HSPH1: variants seen among roughly 807,000 people sequenced by gnomAD.
HSPH1 encodes heat shock protein family H (Hsp110) member 1.
HSPH1 carries 40 observed loss-of-function variants against 100.0 expected under a neutral mutation model. The observed-to-expected ratio is 0.40, with a 90% confidence interval of 0.31 to 0.52. HSPH1 has a LOEUF of 0.52. Ranked by LOEUF, HSPH1 falls within the 20% of genes least tolerant of loss-of-function variation. The probability of loss-of-function intolerance (pLI) is 0.54; values close to 1 mark genes in which losing one functional copy is unlikely to be tolerated. For missense variants in HSPH1, 876 were observed against 1,015.1 expected, an observed-to-expected ratio of 0.86 and a Z score of 1.86; for synonymous variants, 403 against 344.0, an observed-to-expected ratio of 1.17 and a Z score of -1.90.
Position 31,140,383 on chromosome 13 carries a change from G to A in HSPH1, c.1855-74C>T. On this transcript the variant is annotated intron_variant, in intron 13 of 17. Transcript: ENST00000320027. ...CTAAATTCTAAATATGTAGACTCTGGGGTTTAAAAAAAATGATACAAAACA... is the reference window on the plus strand; with the variant it reads ...CTAAATTCTAAATATGTAGACTCTGAGGTTTAAAAAAAATGATACAAAACA... 3.5e-6 allele frequency: 5 copies of A among 1,412,436 alleles called. 1 individual carries two copies. In the South Asian group the frequency reaches 4.1e-5, roughly 12 times the overall value. The allele number at this position is 1,412,436 out of a possible 1,614,324, so 87.5% of individuals were successfully genotyped here.
intron 1 of HSPH1, among the ~76,000 whole-genome samples, chr13:31,159,469 G>A (rs1956818188): frequency 6.6e-6 from 1 of 152,210 alleles, no homozygotes; most frequent in Non-Finnish European, 1.5e-5. Flanking sequence ...GGAAAGGAGT[G>A]ACTAATCAGT....
Position 31,135,504 on chromosome 13 carries a change from T to C in HSPH1, c.*1814A>G, listed in dbSNP as rs1459103968. 1 of 152,222 alleles carries C rather than the reference T, an allele frequency of 6.6e-6. No individual in the cohort carries two copies. The highest frequency in any genetic ancestry group is 1.5e-5 in the Non-Finnish European group (1 of 68,040). The allele number at this position is 152,222 out of a possible 1,614,324, so 9.4% of individuals were successfully genotyped here. ...AATTATAAAGTAGGGAAATGTTGAA[T>C]AGCTGACATAAAGATTCTTAGTAAG... On this transcript the variant is annotated 3_prime_UTR_variant, in exon 18 of 18. Transcript: ENST00000320027.
chr13:31,161,270 T>C (rs1000996976), intron 1 of HSPH1, among the ~76,000 whole-genome samples: 3 of 152,162 alleles, frequency 2.0e-5, no homozygotes, highest in Non-Finnish European at 1.5e-5. Flanking sequence ...CGTGAATCCC[T>C]GAGACAATCC....
At chr13:31,146,608 A>G (rs188744412) in intron 10 of HSPH1, among the ~76,000 whole-genome samples, 1 of 152,226 alleles carries the variant, frequency 6.6e-6, no homozygotes, top group South Asian at 2.1e-4. Context: ...AATCTGTATG[A>G]AAGCCTGAAA....
At position 31,152,747 on chromosome 13, in the gene HSPH1, A is replaced by C; in HGVS notation, c.529+105T>G. ...GACTTTTGTTTTCAAATCTGACTTG[A>C]CTTTTTAACAGGCTGTGTTTCTGTA... On this transcript the variant is annotated intron_variant, in intron 5 of 17. Coordinates refer to ENST00000320027, the MANE Select transcript of HSPH1 (RefSeq NM_006644.4). 5 of 754,116 alleles carry C rather than the reference A, an allele frequency of 6.6e-6. No homozygotes were observed. The South Asian group carries it at 8.3e-5, about 13-fold the overall frequency. 46.7% of individuals were successfully genotyped at this position (754,116 alleles called of 1,614,324 possible). A position where few individuals can be genotyped will look rare whatever the true frequency, so the allele number is the denominator to read the frequency against.
At chr13:31,146,055 A>G (rs1174149267) in intron 10 of HSPH1, among the ~76,000 whole-genome samples, 1 of 152,198 alleles carries the variant, frequency 6.6e-6, no homozygotes, top group Non-Finnish European at 1.5e-5. Flanking sequence ...GGACTCCTTG[A>G]GCCCAAGAGT....
In HSPH1 at chr13:31,141,244, CT is replaced by C. The variant is rs750959278; in HGVS notation, c.1731del (p.Val578LeufsTer12). ...TTTTTAGCTTCTGGAGGCTGGTCAA[CT>C]TTTTTTTCATTTGCCTTGGGAAGAG... ...IPDADKANEK[K>X]VDQPPEAKKP... On this transcript the variant is annotated frameshift_variant, in exon 13 of 18. Transcript: ENST00000320027. LOFTEE classifies it high-confidence loss of function. The C allele has an allele frequency of 1.3e-5, 21 of 1,600,884 alleles. No individual in the cohort carries two copies. Among genetic ancestry groups the C allele is most frequent in the South Asian group, 8.0e-5 (7 of 87,796 alleles).
At chr13:31,153,064 T>C (rs1956546054) in intron 4 of HSPH1, 113 bp from the exon 5 acceptor site, 11 of 679,226 alleles carry the variant, frequency 1.6e-5, no homozygotes, top group Non-Finnish European at 2.8e-5. Flanking sequence ...CCTCGCCAAG[T>C]CACAAAACAG....
At chr13:31,151,309 A>G (rs2034645690) in intron 6 of HSPH1, 118 bp from the exon 7 acceptor site, 2 of 862,040 alleles carry the variant, frequency 2.3e-6, no homozygotes, top group Middle Eastern at 3.6e-4. Flanking sequence ...TATTTAAATT[A>G]TAACATGAAA....
chr13:31,155,020 C>A (rs1300318790), intron 3 of HSPH1, among the ~76,000 whole-genome samples: 1 of 152,122 alleles, frequency 6.6e-6, no homozygotes, highest in Admixed American at 6.5e-5. Flanking sequence ...GGCAGATATA[C>A]CCCACCCAAA....
At chr13:31,144,772 T>G (rs1956212466) in intron 11 of HSPH1, among the ~76,000 whole-genome samples, 1 of 152,128 alleles carries the variant, frequency 6.6e-6, no homozygotes, top group Non-Finnish European at 1.5e-5. Context: ...CTAAAGAGAT[T>G]GAGAAAGTAT....
At chr13:31,148,572 CAAAAAA>C (rs33938762) in intron 8 of HSPH1, 92 bp from the exon 9 acceptor site, 1 of 134,932 alleles carries the variant, frequency 7.4e-6, no homozygotes, top group Non-Finnish European at 1.5e-5. Context: ...ACAGGGTTTT[CAAAAAA>C]AAAAAAAAAA....
intron 13 of HSPH1, chr13:31,140,701 A>T (rs1008813115): frequency 5.8e-6 from 1 of 172,474 alleles, no homozygotes; most frequent in Non-Finnish European, 1.2e-5. Flanking sequence ...AAATAAATGG[A>T]CTACAGTTTA....
rs575501640 is a variant in HSPH1, at chr13:31,155,553, G to A, written c.267C>T (p.Tyr89=). Residue 89 remains tyrosine, a synonymous_variant, in exon 3 of 18, where the codon TAC becomes TAT. Coordinates refer to ENST00000320027, the MANE Select transcript of HSPH1 (RefSeq NM_006644.4). ...CACCATTTTTCAATGGAACCAAATC[G>A]TAACTCAAGTTTTCCTTCTCCTTTT... ...FIQKEKENLS[Y]DLVPLKNGGV... 1.7e-5 allele frequency: 27 copies of A among 1,610,768 alleles called. No individual in the cohort carries two copies. In the East Asian group the frequency reaches 1.8e-4, roughly 11 times the overall value.
At chr13:31,154,205 C>A (rs933391869) in intron 4 of HSPH1, 6 of 215,644 alleles carry the variant, frequency 2.8e-5, no homozygotes, top group African/African-American at 4.7e-5. Flanking sequence ...CTGAAGGTAA[C>A]AGGCTTGCTA....
At chr13:31,162,072 C>T (rs905793516), upstream of HSPH1, 5 of 1,536,158 alleles carry the variant, frequency 3.3e-6, no homozygotes, top group East Asian at 7.3e-5. Flanking sequence ...AGCCGGTCCC[C>T]GGAGAACGGC....
intron 1 of HSPH1, among the ~76,000 whole-genome samples, chr13:31,161,093 A>G (rs1236477681): frequency 1.3e-5 from 2 of 152,162 alleles, no homozygotes; most frequent in East Asian, 3.9e-4. Context: ...CCGGGTGGGG[A>G]TACGGGGGCG....
rs1453614753 is a variant in HSPH1, at chr13:31,136,517, AG to A, written c.*800del. On this transcript the variant is annotated 3_prime_UTR_variant, in exon 18 of 18. Coordinates refer to ENST00000320027, the MANE Select transcript of HSPH1 (RefSeq NM_006644.4). Reference sequence around the variant, plus strand: ...AGAAAAACATTTTCACTTAGAAAAGAGAGAACATAAGCAGTAAAAAAGAAAA... The same window carrying A: ...AGAAAAACATTTTCACTTAGAAAAGAAGAACATAAGCAGTAAAAAAGAAAA... 3 of 152,460 alleles carry A rather than the reference AG, an allele frequency of 2.0e-5. No homozygotes were observed. Among genetic ancestry groups the A allele is most frequent in the Non-Finnish European group, 4.4e-5 (3 of 68,044 alleles). The allele number at this position is 152,460 out of a possible 1,614,324, so 9.4% of individuals were successfully genotyped here. A position where few individuals can be genotyped will look rare whatever the true frequency, so the allele number is the denominator to read the frequency against.
chr13:31,149,327 ACTG>A (rs946681077), intron 8 of HSPH1, among the ~76,000 whole-genome samples: 32 of 152,122 alleles, frequency 2.1e-4, no homozygotes, highest in African/African-American at 7.7e-4. Flanking sequence ...TATTTTAAAA[ACTG>A]CTACTAGCTT....
Sources: gnomAD v4.1 joint callset for allele counts (sites outside exome capture counted in the v4.1 genomes callset) on GRCh38, gnomAD v4.1.1 for gene constraint, MANE v1.5 for transcripts, NCBI Gene and HGNC (gene_info 2026-07-23, HGNC 2026-07-21) for gene names.